Variants in TRPM1 observed in about 807,000 individuals in gnomAD.
TRPM1 encodes transient receptor potential cation channel subfamily M member 1.
TRPM1 carries 113 observed loss-of-function variants against 149.4 expected under a neutral mutation model. The ratio of observed to expected loss-of-function variants is 0.76; its 90% CI spans 0.65 to 0.88. The LOEUF (loss-of-function observed/expected upper bound fraction) is 0.88. Among genes scored for constraint, TRPM1 ranks in the 40% least tolerant of loss-of-function variants. The probability of loss-of-function intolerance (pLI) is 0.00; values close to 1 mark genes in which losing one functional copy is unlikely to be tolerated. For missense variants in TRPM1, 1,976 were observed against 2,038.7 expected (o/e 0.97, Z 0.59); for synonymous variants, 741 against 759.5 (o/e 0.98, Z 0.40).
At chr15:31,017,255 G>A (rs1421587772) in intron 27 of TRPM1, among the ~76,000 whole-genome samples, 1 of 152,140 alleles carries the variant, frequency 6.6e-6, no homozygotes, top group Admixed American at 6.5e-5. Flanking sequence ...GTTGCAGTGA[G>A]CCGAGATCAC....
At chr15:31,089,491 G>A (rs1011395900) in intron 1 of TRPM1, among the ~76,000 whole-genome samples, 2 of 152,200 alleles carry the variant, frequency 1.3e-5, no homozygotes, top group African/African-American at 4.8e-5. Flanking sequence ...CAACACTGCT[G>A]GAGAACACTG....
rs372608320 is a variant in TRPM1, at chr15:31,061,447, A to C, written c.1157T>G (p.Leu386Arg). Residue 386 changes from leucine to arginine, a missense_variant, in exon 10 of 28, where the codon CTG (leucine) becomes CGG (arginine). Coordinates refer to ENST00000256552, the MANE Select transcript of TRPM1 (RefSeq NM_001252024.2). ...ACCATTTCCTGAGAGCTCACCTTTC[A>C]GCAGGGCAGTTAAAATTGCCATCTC... ...DIEMAILTAL[L>R]KGTNVSAPDQ... 1.4e-5 allele frequency: 23 copies of C among 1,614,112 alleles called. No individual in the cohort carries two copies. The African/African-American group carries it at 2.5e-4, about 18-fold the overall frequency.
At chr15:31,034,254 C>T (rs1437129543) in intron 21 of TRPM1, among the ~76,000 whole-genome samples, 1 of 152,214 alleles carries the variant, frequency 6.6e-6, no homozygotes, top group Non-Finnish European at 1.5e-5. Context: ...CATTTTCACT[C>T]GAGCTCTCTG....
At chr15:31,118,234 G>A (rs947523811) in intron 1 of TRPM1, among the ~76,000 whole-genome samples, 5 of 152,032 alleles carry the variant, frequency 3.3e-5, no homozygotes, top group Non-Finnish European at 7.4e-5. Flanking sequence ...CTCCAGCCTG[G>A]GTGACAGAGC....
At chr15:31,109,952 C>T (rs1422208288) in intron 1 of TRPM1, among the ~76,000 whole-genome samples, 1 of 152,112 alleles carries the variant, frequency 6.6e-6, no homozygotes, top group Non-Finnish European at 1.5e-5. Context: ...AGGGCTCAGG[C>T]CAGCACTGGC....
In TRPM1 at chr15:31,028,350, A is replaced by G. The variant is rs2032886262; in HGVS notation, c.3275T>C (p.Leu1092Pro). The change falls in exon 25 of 28, where the codon CTG becomes CCG. Residue 1092 changes from leucine to proline, a missense_variant. Transcript: ENST00000256552. ...CACGTACTTGAACACAGCAATCAGC[A>G]GGTTCACCAGCAGGATGTTGGCGAC... ...LLVANILLVN[L>P]LIAVFNNTFF... 1 of 1,614,092 alleles carries G rather than the reference A, an allele frequency of 6.2e-7. No homozygotes were observed. The highest frequency in any genetic ancestry group is 1.3e-5 in the African/African-American group (1 of 74,934).
chr15:31,133,780 C>A (rs964760428), intron 1 of TRPM1, among the ~76,000 whole-genome samples: 1 of 152,168 alleles, frequency 6.6e-6, no homozygotes, highest in Non-Finnish European at 1.5e-5. Context: ...CTTCTCCAGA[C>A]AAGATCCCCT....
At chr15:31,114,450 T>C (rs1596081597) in intron 1 of TRPM1, among the ~76,000 whole-genome samples, 1 of 152,340 alleles carries the variant, frequency 6.6e-6, no homozygotes, top group South Asian at 2.1e-4. Flanking sequence ...CATATCTTGC[T>C]GAAAGATGTT....
rs1294938419 is a variant in TRPM1, at chr15:31,067,144, G to GGA, written c.535_536dup (p.Lys180ProfsTer10). The GGA allele has an allele frequency of 6.2e-7, 1 of 1,614,184 alleles. No homozygotes were observed. The highest frequency in any genetic ancestry group is 8.5e-7 in the Non-Finnish European group (1 of 1,180,024). On this transcript the variant is annotated frameshift_variant, in exon 6 of 28. Transcript: ENST00000256552. LOFTEE classifies it high-confidence loss of function. ...TAGCACAAACCCGGCCTCTGGACTT[G>GGA]GAGGAGTGGTCTTTCAAGGCATCCC...
intron 1 of TRPM1, among the ~76,000 whole-genome samples, chr15:31,152,613 A>G (rs1009264903): frequency 2.6e-5 from 4 of 152,186 alleles, no homozygotes; most frequent in African/African-American, 7.2e-5. Flanking sequence ...TTTGGAATTT[A>G]GGCACAACTG....
At chr15:31,115,082 C>T (rs1342441737) in intron 1 of TRPM1, among the ~76,000 whole-genome samples, 1 of 152,112 alleles carries the variant, frequency 6.6e-6, no homozygotes, top group Non-Finnish European at 1.5e-5. Flanking sequence ...TGGTGACATC[C>T]TGTCTCTACT....
Position 31,067,166 on chromosome 15 carries a change from T to A in TRPM1, c.515A>T (p.Asp172Val). The A allele has an allele frequency of 6.2e-7, 1 of 1,614,172 alleles. No individual in the cohort carries two copies. Residue 172 changes from aspartate to valine, a missense_variant, in exon 6 of 28, where the codon GAT becomes GTT. This residue lies in a region of TRPM1 where 1,332 missense variants were observed against 1,347.1 expected (regional missense o/e 0.99). Coordinates refer to ENST00000256552, the MANE Select transcript of TRPM1 (RefSeq NM_001252024.2). The part of the protein sequence containing the change: ...VSTGVISHVG[D>V]ALKDHSSKSR... ...CTTGGAGGAGTGGTCTTTCAAGGCA[T>A]CCCCTACGTGGCTGATAACACCTGT...
At chr15:31,035,519 G>A (rs774212751) in intron 21 of TRPM1, 27 bp downstream of exon 21, 7 of 1,613,956 alleles carry the variant, frequency 4.3e-6, no homozygotes, top group Non-Finnish European at 5.1e-6. Context: ...CGGTTAGTGG[G>A]CTGGGGGAGG....
chr15:31,007,064 A>G (rs1161326845), intron 27 of TRPM1, among the ~76,000 whole-genome samples: 2 of 152,126 alleles, frequency 1.3e-5, no homozygotes, highest in Admixed American at 6.5e-5. Flanking sequence ...TTGGTGTTGC[A>G]TTGAAGAATC....
chr15:31,113,793 G>C (rs189678770), intron 1 of TRPM1, among the ~76,000 whole-genome samples: 1 of 152,258 alleles, frequency 6.6e-6, no homozygotes, highest in East Asian at 1.9e-4. Flanking sequence ...AGGTGGCAAG[G>C]ACCCACAGTT....
chr15:31,069,478 G>A, intron 4 of TRPM1: 1 of 1,055,152 alleles, frequency 9.5e-7, no homozygotes, highest in Non-Finnish European at 1.1e-6. Context: ...TGGGCATGTA[G>A]GAGTGTAATT....
intron 1 of TRPM1, among the ~76,000 whole-genome samples, chr15:31,126,611 C>T (rs990954885): frequency 6.6e-6 from 1 of 152,088 alleles, no homozygotes; most frequent in Non-Finnish European, 1.5e-5. Context: ...GGGTGAGTTG[C>T]CAGAAGATTT....
At position 31,032,834 on chromosome 15, in the gene TRPM1, G is replaced by T. The variant is rs1555419893; in HGVS notation, c.2807C>A (p.Ala936Glu). 2 of 1,614,188 alleles carry T rather than the reference G, an allele frequency of 1.2e-6. No individual in the cohort carries two copies. Among genetic ancestry groups the T allele is most frequent in the Non-Finnish European group, 1.7e-6 (2 of 1,180,042 alleles). ...LVAISTFMIG[A>E]ILRLQNQPYM... ...GGGCTGGTTCTGTAGGCGAAGAATT[G>T]CTCCAATCATGAATGTGGAAATGGC... The change falls in exon 22 of 28, where the codon GCA becomes GAA. Residue 936 changes from alanine to glutamate, a missense_variant. Physicochemically the swap from Ala to Glu is moderately radical, Grantham distance 107. Coordinates refer to ENST00000256552, the MANE Select transcript of TRPM1 (RefSeq NM_001252024.2).
rs763506869 is a variant in TRPM1 at position 31,063,142 on chromosome 15, G to T, written c.941C>A (p.Ala314Glu). ...CCCGCCTTCTTCACAGTACTTGTGC[G>T]CAAAGGACAGGATGTCCGAGGCACG... ...SGRASDILSF[A>E]HKYCEEGGII... Residue 314 changes from alanine to glutamate, a missense_variant, in exon 8 of 28, where the codon GCG becomes GAG. Ala to Glu is a moderately radical substitution (Grantham distance 107). Coordinates refer to ENST00000256552, the MANE Select transcript of TRPM1 (RefSeq NM_001252024.2). The T allele has an allele frequency of 1.5e-5, 25 of 1,614,070 alleles. No individual in the cohort carries two copies. Among genetic ancestry groups the T allele is most frequent in the Non-Finnish European group, 2.1e-5 (25 of 1,180,048 alleles).
Sources: gnomAD v4.1 joint callset for allele counts (sites outside exome capture counted in the v4.1 genomes callset) on GRCh38, gnomAD v4.1.1 for gene constraint, gnomAD v4.1.1 regional missense constraint, MANE v1.5 for transcripts, NCBI Gene and HGNC (gene_info 2026-07-23, HGNC 2026-07-21) for gene names.